The following CASD1 variants were observed in gnomAD, a reference collection of about 807,000 sequenced individuals.
CASD1 encodes CAS1 domain sialic acid O acetyltransferase 1.
Under a neutral mutation model 100.0 loss-of-function variants are expected in CASD1, and 41 were observed. The ratio of observed to expected loss-of-function variants is 0.41; its 90% CI spans 0.32 to 0.53. The LOEUF (loss-of-function observed/expected upper bound fraction) is 0.53, where lower values mean the gene tolerates loss of function less well. Among genes scored for constraint, CASD1 ranks in the 20% least tolerant of loss-of-function variants. CASD1 has a pLI of 0.25. For synonymous variants in CASD1, 321 were observed against 315.6 expected (o/e 1.02, Z -0.18); for missense variants, 774 against 948.7 (o/e 0.82, Z 2.42).
At position 94,551,412 on chromosome 7, in the gene CASD1, G is replaced by T; in HGVS notation, c.1890G>T (p.Lys630Asn). The T allele has an allele frequency of 6.5e-7, 1 of 1,543,934 alleles. No individual in the cohort carries two copies. The highest frequency in any genetic ancestry group is 8.7e-7 in the Non-Finnish European group (1 of 1,152,556). The change falls in exon 15 of 18, where the codon AAG becomes AAT. Residue 630 changes from lysine (K) to asparagine (N), a missense_variant. By Grantham distance (94) the Lys-to-Asn change is moderately conservative. Around this residue, in one of 5 missense-constraint regions of CASD1, gnomAD observed 175 missense variants for 206.9 expected, o/e 0.85. Coordinates refer to ENST00000297273, the MANE Select transcript of CASD1 (RefSeq NM_022900.5). Reference protein sequence around the residue: ...LQKRQILSEGKGEPLFSNKIS... With the variant: ...LQKRQILSEGNGEPLFSNKIS... The stretch of plus-strand genomic sequence containing the variant: ...AGCGTCAAATACTTTCTGAAGGAAA[G>T]GGTGAACCTCTTTTTTCAAACAAAA...
At chr7:94,559,316 G>GTA (rs1796301763), downstream of CASD1, among the ~76,000 whole-genome samples, 3 of 138,132 alleles carry the variant, frequency 2.2e-5, no homozygotes, top group South Asian at 2.2e-4. Flanking sequence ...ATGTGTGTGT[G>GTA]TGTGTGTGTA....
the CASD1 span, among the ~76,000 whole-genome samples, chr7:94,592,504 A>T: frequency 2.0e-5 from 3 of 152,190 alleles, no homozygotes; most frequent in African/African-American, 7.2e-5. Context: ...CATTATGTAG[A>T]AATTTAAGAA....
At chr7:94,539,927 C>G (rs911319806) in intron 10 of CASD1, among the ~76,000 whole-genome samples, 5 of 152,096 alleles carry the variant, frequency 3.3e-5, no homozygotes, top group African/African-American at 1.2e-4. Context: ...GCCATACTTC[C>G]TAAGTGCTAA....
intron 3 of CASD1, among the ~76,000 whole-genome samples, chr7:94,522,664 T>TA (rs1399239775): frequency 2.1e-3 from 83 of 40,396 alleles, no homozygotes; most frequent in Non-Finnish European, 1.4e-3. Context: ...TTTTATTTAT[T>TA]TTTTTTTTTT....
At chr7:94,614,336 A>G in the CASD1 span, among the ~76,000 whole-genome samples, 1 of 152,184 alleles carries the variant, frequency 6.6e-6, no homozygotes, top group Non-Finnish European at 1.5e-5. Flanking sequence ...CATTTCCTCC[A>G]TTCAGTCTTC....
At chr7:94,624,977 G>C in the CASD1 span, 1 of 151,908 alleles carries the variant, frequency 6.6e-6, no homozygotes, top group Admixed American at 6.6e-5. Flanking sequence ...AATTTTAACA[G>C]CTATAACAGA....
chr7:94,544,312 C>G (rs1795565087), intron 10 of CASD1, 99 bp from the exon 11 acceptor site: 2 of 1,395,828 alleles, frequency 1.4e-6, no homozygotes, highest in African/African-American at 2.9e-5. Flanking sequence ...ATGCCAAATG[C>G]TAATAATCAT....
At chr7:94,530,824 T>G (rs1008991579) in intron 5 of CASD1, among the ~76,000 whole-genome samples, 64 of 152,032 alleles carry the variant, frequency 4.2e-4, no homozygotes, top group African/African-American at 1.4e-3. Context: ...CCAAGGAGAT[T>G]CTGAGAAGTG....
the CASD1 span, among the ~76,000 whole-genome samples, chr7:94,595,143 T>C: frequency 6.6e-6 from 1 of 152,260 alleles, no homozygotes; most frequent in Admixed American, 6.5e-5. Flanking sequence ...TTAAACATTT[T>C]TTCTTACTGA....
chr7:94,606,795 T>C, the CASD1 span, among the ~76,000 whole-genome samples: 1 of 152,260 alleles, frequency 6.6e-6, no homozygotes, highest in East Asian at 1.9e-4. Flanking sequence ...AAACTGGAAC[T>C]CAGTATCAAA....
intron 17 of CASD1, 35 bp downstream of exon 17, chr7:94,554,610 C>G (rs748022681): frequency 3.7e-6 from 5 of 1,347,642 alleles, no homozygotes; most frequent in Non-Finnish European, 4.3e-6. Flanking sequence ...TCTTACACAG[C>G]CAGGTGTTTC....
chr7:94,546,895 C>T (rs1190654081), intron 12 of CASD1, among the ~76,000 whole-genome samples: 1 of 151,672 alleles, frequency 6.6e-6, no homozygotes, highest in Non-Finnish European at 1.5e-5. Context: ...ACTTTATAGC[C>T]TCATGCCTAG....
the CASD1 span, among the ~76,000 whole-genome samples, chr7:94,608,314 C>T: frequency 2.0e-5 from 3 of 151,978 alleles, no homozygotes; most frequent in East Asian, 1.9e-4. Context: ...CCAGCCTGGG[C>T]GACAGAGTAC....
chr7:94,539,013 T>C lies in CASD1; in HGVS notation c.1313T>C (p.Met438Thr). ...REQTDEWKGW[M>T]QLVILIYHIS... is the part of the protein sequence containing the mutation. Reference sequence around the variant, plus strand: ...CAAACAGACGAATGGAAAGGCTGGATGCAACTTGTGATTTTGATTTATCAC... The same window carrying C: ...CAAACAGACGAATGGAAAGGCTGGACGCAACTTGTGATTTTGATTTATCAC... Residue 438 changes from methionine to threonine, a missense_variant, in exon 10 of 18, where the codon ATG becomes ACG. This residue lies in a region of CASD1 where 453 missense variants were observed against 532.6 expected (regional missense o/e 0.85). Coordinates refer to ENST00000297273, the MANE Select transcript of CASD1 (RefSeq NM_022900.5). The C allele has an allele frequency of 6.2e-7, 1 of 1,610,862 alleles. No individual in the cohort carries two copies. Among genetic ancestry groups the C allele is most frequent in the East Asian group, 2.2e-5 (1 of 44,666 alleles).
chr7:94,571,573 G>A, the CASD1 span, among the ~76,000 whole-genome samples: 1 of 152,138 alleles, frequency 6.6e-6, no homozygotes, highest in African/African-American at 2.4e-5. Flanking sequence ...CATGAAGGGA[G>A]GTTCTTGTCA....
chr7:94,552,805 C>T (rs550801812), intron 16 of CASD1, among the ~76,000 whole-genome samples: 4 of 152,100 alleles, frequency 2.6e-5, no homozygotes, highest in African/African-American at 4.8e-5. Context: ...GGCGTGGTGG[C>T]GGGCACCTGT....
At chr7:94,540,829 CACTT>C (rs1795357136) in intron 10 of CASD1, among the ~76,000 whole-genome samples, 1 of 151,952 alleles carries the variant, frequency 6.6e-6, no homozygotes, top group Non-Finnish European at 1.5e-5. Flanking sequence ...AAGAAAATAC[CACTT>C]AGAGACATAA....
intron 1 of CASD1, among the ~76,000 whole-genome samples, chr7:94,514,315 TTGTC>T (rs1472193726): frequency 1.3e-5 from 2 of 152,178 alleles, no homozygotes; most frequent in Non-Finnish European, 2.9e-5. Context: ...CACTCCTTGC[TTGTC>T]TAACGATAAA....
At chr7:94,579,832 G>A in the CASD1 span, among the ~76,000 whole-genome samples, 1 of 151,990 alleles carries the variant, frequency 6.6e-6, no homozygotes, top group Non-Finnish European at 1.5e-5. Flanking sequence ...TACTAATTTT[G>A]GTTTTCTCAG....
Sources: gnomAD v4.1 joint callset for allele counts (sites outside exome capture counted in the v4.1 genomes callset) on GRCh38, gnomAD v4.1.1 for gene constraint, gnomAD v4.1.1 regional missense constraint, MANE v1.5 for transcripts, NCBI Gene and HGNC (gene_info 2026-07-23, HGNC 2026-07-21) for gene names.